Variants in MED12L observed in about 807,000 individuals in gnomAD.
MED12L encodes the protein mediator of RNA polymerase II transcription subunit 12-like protein.
A neutral mutation model predicts 281.3 loss-of-function variants in MED12L; 60 were observed. The observed-to-expected ratio is 0.21, with a 90% CI of 0.17 to 0.26. MED12L has a LOEUF of 0.26. MED12L is among the 10% of genes least tolerant of loss of function. MED12L has a pLI of 1.00. For synonymous variants in MED12L, 974 were observed against 987.2 expected (o/e 0.99, Z 0.25); for missense variants, 2,146 against 2,680.9 (o/e 0.80, Z 4.41).
At position 151,147,203 on chromosome 3, in the gene MED12L, T is replaced by G. The variant is rs558025366; in HGVS notation, c.557-8958T>G. Among the ~76,000 whole-genome samples, 5 of 152,254 alleles carry G rather than the reference T, an allele frequency of 3.3e-5. No individual in the cohort carries two copies. The East Asian group carries it at 9.6e-4, about 29-fold the overall frequency. On this transcript the variant is annotated intron_variant, in intron 5 of 44. Coordinates refer to ENST00000687756, the MANE Select transcript of MED12L (RefSeq NM_001393769.1). ...GTTTCTACCCCTTATCCTCTCTGTCTCCCCCCACCTGTGAAATTATATCAT... is the reference window on the plus strand; with the variant it reads ...GTTTCTACCCCTTATCCTCTCTGTCGCCCCCCACCTGTGAAATTATATCAT...
Position 151,384,178 on chromosome 3 carries a change from A to T in MED12L, c.4886A>T (p.Glu1629Val). Residue 1629 changes from glutamate (E) to valine (V), a missense_variant, in exon 35 of 45, where the codon GAG (glutamate) becomes GTG (valine). Glu to Val is a moderately radical substitution (Grantham distance 121). This residue lies in a region of MED12L where 212 missense variants were observed against 340.8 expected (regional missense o/e 0.62). Transcript: ENST00000687756. ...AATGCATCCCCTGGGGGATCTGAAG[A>T]GAACAAGCGTGCATACATGAATTTA... The part of the protein sequence containing the change: ...LSNASPGGSE[E>V]NKRAYMNLVK... 1 of 1,613,636 alleles carries T rather than the reference A, an allele frequency of 6.2e-7. No homozygotes were observed. The highest frequency in any genetic ancestry group is 8.5e-7 in the Non-Finnish European group (1 of 1,179,822).
At chr3:151,194,488 AG>A (rs1415751269) in intron 16 of MED12L, among the ~76,000 whole-genome samples, 1 of 152,210 alleles carries the variant, frequency 6.6e-6, no homozygotes, top group Non-Finnish European at 1.5e-5. Context: ...TCTTACTGGA[AG>A]GTGAGCCAGT....
rs190510532 is a variant in MED12L at position 151,435,844 on chromosome 3, A to C, written c.*3040A>C. ...ACTTCATTATATATAATAGACCTAG[A>C]CCCTCCCAAGCATTTTCCCATCCCA... On this transcript the variant is annotated 3_prime_UTR_variant, in exon 45 of 45. Transcript: ENST00000687756. 224 of 151,980 alleles carry C rather than the reference A, an allele frequency of 1.5e-3. 1 individual carries two copies. Among genetic ancestry groups the C allele is most frequent in the African/African-American group, 5.0e-3 (208 of 41,444 alleles). The allele number at this position is 151,980 out of a possible 1,614,324, so 9.4% of individuals were successfully genotyped here. A position where few individuals can be genotyped will look rare whatever the true frequency, so the allele number is the denominator to read the frequency against.
chr3:151,316,118 C>T (rs192138167), intron 16 of MED12L, among the ~76,000 whole-genome samples: 1 of 152,136 alleles, frequency 6.6e-6, no homozygotes, highest in East Asian at 1.9e-4. Context: ...ATGAGGATTG[C>T]CCTGTTCTTT....
chr3:151,419,430 C>T (rs1717992450), intron 43 of MED12L, among the ~76,000 whole-genome samples: 2 of 152,164 alleles, frequency 1.3e-5, no homozygotes, highest in South Asian at 2.1e-4. Context: ...AGGCCAGTCT[C>T]TCCTGTTCAT....
chr3:151,328,835 C>G, intron 16 of MED12L: 6 of 1,613,934 alleles, frequency 3.7e-6, no homozygotes, highest in Non-Finnish European at 5.1e-6. Context: ...GGTGGAGGAG[C>G]TGGGGATGTG....
At chr3:151,153,605 G>C (rs937548305) in intron 5 of MED12L, among the ~76,000 whole-genome samples, 1 of 107,076 alleles carries the variant, frequency 9.3e-6, no homozygotes, top group African/African-American at 3.9e-5. Context: ...CTCTTGCTCT[G>C]TTGCCCATGC....
At chr3:151,149,935 G>A (rs1426679556) in intron 5 of MED12L, among the ~76,000 whole-genome samples, 1 of 152,116 alleles carries the variant, frequency 6.6e-6, no homozygotes, top group Non-Finnish European at 1.5e-5. Context: ...TCTAATTCTA[G>A]TTCTCTTGCT....
At chr3:151,262,138 A>G (rs968029991) in intron 16 of MED12L, among the ~76,000 whole-genome samples, 7 of 152,242 alleles carry the variant, frequency 4.6e-5, no homozygotes, top group African/African-American at 1.7e-4. Context: ...TGAAAGTTAG[A>G]TAGCTAGAAA....
intron 5 of MED12L, among the ~76,000 whole-genome samples, chr3:151,148,875 A>C (rs952838663): frequency 6.6e-6 from 1 of 152,236 alleles, no homozygotes; most frequent in Non-Finnish European, 1.5e-5. Flanking sequence ...AAGAATGGAA[A>C]GTCCAATATT....
At chr3:151,314,531 T>C (rs1747979795) in intron 16 of MED12L, among the ~76,000 whole-genome samples, 1 of 152,226 alleles carries the variant, frequency 6.6e-6, no homozygotes, top group South Asian at 2.1e-4. Context: ...TTAATACTTG[T>C]ATTAATGCAA....
chr3:151,195,024 C>G (rs1485402182), intron 16 of MED12L, among the ~76,000 whole-genome samples: 3 of 152,024 alleles, frequency 2.0e-5, no homozygotes, highest in Non-Finnish European at 4.4e-5. Context: ...ATTAGCAGGC[C>G]TGGTGGCGGG....
At chr3:151,351,095 A>G (rs1350543400) in intron 17 of MED12L, among the ~76,000 whole-genome samples, 1 of 152,186 alleles carries the variant, frequency 6.6e-6, no homozygotes, top group Admixed American at 6.5e-5. Flanking sequence ...TAGGAGCCCT[A>G]CTGTTCTGTA....
At chr3:151,198,475 T>C (rs757514078) in intron 16 of MED12L, 3 of 1,613,182 alleles carry the variant, frequency 1.9e-6, no homozygotes, top group Non-Finnish European at 2.5e-6. Flanking sequence ...CCTTGGTCTC[T>C]TTAGGTGAGG....
chr3:151,318,141 T>C (rs1290935929), intron 16 of MED12L, among the ~76,000 whole-genome samples: 1 of 152,132 alleles, frequency 6.6e-6, no homozygotes, highest in Non-Finnish European at 1.5e-5. Context: ...TTTAATTTTT[T>C]TTTTTTTTAC....
chr3:151,251,837 C>A (rs190697460), intron 16 of MED12L, among the ~76,000 whole-genome samples: 28 of 152,272 alleles, frequency 1.8e-4, no homozygotes, highest in Non-Finnish European at 2.9e-4. Context: ...ACTTGCTTCT[C>A]AGTCTTTATT....
At chr3:151,149,371 A>G (rs1718158222) in intron 5 of MED12L, among the ~76,000 whole-genome samples, 1 of 152,230 alleles carries the variant, frequency 6.6e-6, no homozygotes, top group African/African-American at 2.4e-5. Context: ...CGTAGTGCAT[A>G]TAAAAGTTAT....
At chr3:151,401,515 A>G (rs1405831627) in intron 39 of MED12L, among the ~76,000 whole-genome samples, 1 of 152,138 alleles carries the variant, frequency 6.6e-6, no homozygotes, top group Admixed American at 6.5e-5. Flanking sequence ...GTATTATATT[A>G]TGACATCTTA....
At chr3:151,280,782 G>A (rs1000788617) in intron 16 of MED12L, among the ~76,000 whole-genome samples, 54 of 151,694 alleles carry the variant, frequency 3.6e-4, no homozygotes, top group African/African-American at 1.3e-3. Flanking sequence ...TCGTACACTC[G>A]ATTGAAGCGT....
Sources: allele counts gnomAD v4.1 joint callset (sites outside exome capture counted in the v4.1 genomes callset), GRCh38; gene constraint gnomAD v4.1.1; regional missense constraint gnomAD v4.1.1; transcripts MANE v1.5; gene names NCBI Gene and HGNC (gene_info 2026-07-23, HGNC 2026-07-21).